The following RIMS2 variants were observed in gnomAD, a reference collection of about 807,000 sequenced individuals.
RIMS2 encodes regulating synaptic membrane exocytosis protein 2.
In RIMS2, 59 loss-of-function variants were observed where a neutral mutation model predicts 174.4. The observed-to-expected ratio is 0.34, with a 90% CI of 0.27 to 0.42. The LOEUF (loss-of-function observed/expected upper bound fraction) is 0.42, where lower values mean the gene tolerates loss of function less well. Ranked by LOEUF, RIMS2 falls within the 10% of genes least tolerant of loss-of-function variation. The pLI, the probability that RIMS2 is intolerant of heterozygous loss-of-function variation, is 1.00. For missense variants in RIMS2, 1,620 were observed against 1,666.3 expected (o/e 0.97, Z 0.48); for synonymous variants, 606 against 572.5 (o/e 1.06, Z -0.84).
intron 1 of RIMS2, among the ~76,000 whole-genome samples, chr8:103,666,395 C>T (rs536208027): frequency 1.3e-5 from 2 of 152,200 alleles, no homozygotes; most frequent in African/African-American, 4.8e-5. Context: ...TTCATTTGGT[C>T]AACCGGAGAG....
intron 4 of RIMS2, among the ~76,000 whole-genome samples, chr8:103,890,581 A>C (rs775759920): frequency 6.6e-6 from 1 of 151,796 alleles, no homozygotes; most frequent in Non-Finnish European, 1.5e-5. Context: ...CTTTTCTTTT[A>C]CTCAGTGTGA....
In RIMS2 at chr8:104,120,171, C is replaced by A. The variant is rs532302842; in HGVS notation, c.3334+105556C>A. On this transcript the variant is annotated intron_variant, in intron 19 of 23. Transcript: ENST00000504942. ...ACCAGATGATCTTCAAGTCTCCTCA[C>A]TCATAAAACAATTAAAATCATCATA... 2.0e-5 allele frequency among the ~76,000 whole-genome samples: 3 copies of A among 152,262 alleles called. No individual in the cohort carries two copies. In the East Asian group the frequency reaches 5.8e-4, roughly 29 times the overall value.
chr8:103,591,658 T>A (rs923500734), intron 1 of RIMS2, among the ~76,000 whole-genome samples: 1 of 151,230 alleles, frequency 6.6e-6, no homozygotes, highest in Non-Finnish European at 1.5e-5. Context: ...CAGTATTAGT[T>A]GTTAAACAAA....
intron 2 of RIMS2, among the ~76,000 whole-genome samples, chr8:103,714,507 A>G (rs1372469423): frequency 6.6e-6 from 1 of 152,164 alleles, no homozygotes; most frequent in African/African-American, 2.4e-5. Flanking sequence ...TATATAGAAT[A>G]TAGAGCACTG....
At chr8:103,969,674 C>G (rs2092621422) in intron 15 of RIMS2, among the ~76,000 whole-genome samples, 1 of 152,194 alleles carries the variant, frequency 6.6e-6, no homozygotes, top group Admixed American at 6.5e-5. Context: ...ATAAATCCAG[C>G]ATTCCTGCTA....
At chr8:104,145,167 CAT>C (rs1430915563) in intron 19 of RIMS2, among the ~76,000 whole-genome samples, 1 of 152,006 alleles carries the variant, frequency 6.6e-6, no homozygotes, top group African/African-American at 2.4e-5. Flanking sequence ...CAATAAATAT[CAT>C]TATAGCTAAA....
At chr8:103,823,617 G>T (rs2098767488) in intron 3 of RIMS2, among the ~76,000 whole-genome samples, 1 of 151,750 alleles carries the variant, frequency 6.6e-6, no homozygotes, top group Admixed American at 6.6e-5. Context: ...TATTATTTTT[G>T]GTCAGAAATT....
intron 17 of RIMS2, among the ~76,000 whole-genome samples, chr8:104,005,878 G>A (rs1025337800): frequency 6.6e-6 from 1 of 151,778 alleles, no homozygotes; most frequent in Non-Finnish European, 1.5e-5. Flanking sequence ...CAAAGCTAGT[G>A]GAGTCATGGT....
At chr8:103,628,272 C>T (rs925478740) in intron 1 of RIMS2, among the ~76,000 whole-genome samples, 1 of 151,748 alleles carries the variant, frequency 6.6e-6, no homozygotes, top group Non-Finnish European at 1.5e-5. Context: ...TAATAGAAGA[C>T]CTTACAAGAG....
At chr8:104,144,464 C>T (rs1007698478) in intron 19 of RIMS2, among the ~76,000 whole-genome samples, 27 of 152,084 alleles carry the variant, frequency 1.8e-4, no homozygotes, top group Admixed American at 3.3e-4. Flanking sequence ...ATTTGATTTA[C>T]ATAAAAGAAG....
chr8:103,993,333 ATTACT>A (rs899912188), intron 17 of RIMS2, among the ~76,000 whole-genome samples: 2 of 152,130 alleles, frequency 1.3e-5, no homozygotes, highest in Non-Finnish European at 2.9e-5. Context: ...CAAAAGATAA[ATTACT>A]TTATAAGCTT....
chr8:104,111,884 C>T (rs369663499), intron 19 of RIMS2, among the ~76,000 whole-genome samples: 11 of 152,144 alleles, frequency 7.2e-5, no homozygotes, highest in East Asian at 5.8e-4. Flanking sequence ...TCTAATCTAG[C>T]GCATGCTTAG....
At chr8:103,738,965 G>GT (rs1303405909) in intron 2 of RIMS2, among the ~76,000 whole-genome samples, 3 of 152,202 alleles carry the variant, frequency 2.0e-5, no homozygotes, top group Non-Finnish European at 4.4e-5. Flanking sequence ...GTGGAAGACA[G>GT]TGTGGCGATT....
intron 5 of RIMS2, chr8:103,910,529 G>T: frequency 6.3e-7 from 1 of 1,578,624 alleles, no homozygotes; most frequent in Non-Finnish European, 8.6e-7. Context: ...ATAGTGATAA[G>T]GTACTGAGAT....
At chr8:104,151,383 A>G (rs1025534068) in intron 19 of RIMS2, among the ~76,000 whole-genome samples, 4 of 152,212 alleles carry the variant, frequency 2.6e-5, no homozygotes, top group Non-Finnish European at 5.9e-5. Flanking sequence ...AGCCTGGGCA[A>G]CATGGCAAAA....
At chr8:104,251,684 T>C (rs904344581) in exon 24 of RIMS2, 1 of 1,605,496 alleles carries the variant, frequency 6.2e-7, no homozygotes, top group Non-Finnish European at 8.5e-7. Flanking sequence ...GAACTAGAGC[T>C]ATCCAATATG....
At chr8:103,675,867 C>A (rs924094807) in intron 1 of RIMS2, among the ~76,000 whole-genome samples, 2 of 151,960 alleles carry the variant, frequency 1.3e-5, no homozygotes, top group African/African-American at 4.8e-5. Context: ...AATAGTTTTT[C>A]TTTTCTCTAT....
intron 20 of RIMS2, 80 bp downstream of exon 26, chr8:104,245,137 A>G (rs1056777676): frequency 6.4e-6 from 9 of 1,408,370 alleles, no homozygotes; most frequent in African/African-American, 1.4e-5. Flanking sequence ...AGATTTTCCA[A>G]CTCTCATGCT....
At chr8:104,225,833 A>C (rs1421723590) in intron 19 of RIMS2, among the ~76,000 whole-genome samples, 1 of 152,118 alleles carries the variant, frequency 6.6e-6, no homozygotes, top group Non-Finnish European at 1.5e-5. Flanking sequence ...GAGAGGAGAC[A>C]CTCTCCATAA....
Sources: gnomAD v4.1 joint callset for allele counts (sites outside exome capture counted in the v4.1 genomes callset) on GRCh38, gnomAD v4.1.1 for gene constraint, MANE v1.5 for transcripts, NCBI Gene and HGNC (gene_info 2026-07-23, HGNC 2026-07-21) for gene names.